The following ILDR1 variants were observed in gnomAD, a reference collection of about 807,000 sequenced individuals.
The protein encoded by ILDR1 is immunoglobulin-like domain-containing receptor 1.
Under a neutral mutation model 62.4 loss-of-function variants are expected in ILDR1, and 56 were observed. That is an observed-to-expected ratio of 0.90 (90% CI 0.72 to 1.12). ILDR1 has a LOEUF of 1.12. Among genes scored for constraint, ILDR1 ranks in the 50% most tolerant of loss-of-function variants. The pLI, the probability that ILDR1 is intolerant of heterozygous loss-of-function variation, is 0.00. For synonymous variants in ILDR1, 284 were observed against 277.8 expected (o/e 1.02, Z -0.22); for missense variants, 736 against 710.6 (o/e 1.04, Z -0.41).
the ILDR1 span, among the ~76,000 whole-genome samples, chr3:122,041,595 G>C: frequency 1.3e-5 from 2 of 152,092 alleles, no homozygotes; most frequent in African/African-American, 4.8e-5. Context: ...TTGATGCTTT[G>C]CAGTTTTCAG....
At position 122,022,095 on chromosome 3, in the gene ILDR1, C is replaced by G; in HGVS notation, c.-18G>C. 2 of 1,595,450 alleles carry G rather than the reference C, an allele frequency of 1.3e-6. No individual in the cohort carries two copies. The highest frequency in any genetic ancestry group is 1.7e-6 in the Non-Finnish European group (2 of 1,170,144). On this transcript the variant is annotated 5_prime_UTR_variant, in exon 1 of 8. Transcript: ENST00000344209. ...CATGCCATGCCGCCCCCTTTCTGGCCCTTTTCAGCTCAGGGGCTTCGGGGC... is the reference window on the plus strand; with the variant it reads ...CATGCCATGCCGCCCCCTTTCTGGCGCTTTTCAGCTCAGGGGCTTCGGGGC...
intron 3 of ILDR1, among the ~76,000 whole-genome samples, chr3:122,002,913 C>G (rs2071550135): frequency 2.6e-5 from 4 of 152,216 alleles, no homozygotes; most frequent in Admixed American, 2.6e-4. Flanking sequence ...ATCTATCCAT[C>G]TGACAAATGT....
At chr3:122,002,650 T>C (rs1009343315) in intron 3 of ILDR1, among the ~76,000 whole-genome samples, 1 of 152,148 alleles carries the variant, frequency 6.6e-6, no homozygotes, top group Non-Finnish European at 1.5e-5. Flanking sequence ...CAGGGGTATA[T>C]GTGCAGGTTT....
rs2071611617 is a variant in ILDR1 at position 122,006,480 on chromosome 3, AG to A, written c.229+510del. ...GCACTAAGAGACTTCCCACAGTTAA[AG>A]GGCTGCCTGGGGGGGCACTGGAGGG... On this transcript the variant is annotated intron_variant, in intron 2 of 7. Transcript: ENST00000344209. Among the ~76,000 whole-genome samples, 3 of 152,276 alleles carry A rather than the reference AG, an allele frequency of 2.0e-5. No individual in the cohort carries two copies. The South Asian group carries it at 6.2e-4, about 32-fold the overall frequency.
the ILDR1 span, among the ~76,000 whole-genome samples, chr3:122,045,754 TG>T: frequency 2.7e-5 from 4 of 149,198 alleles, no homozygotes; most frequent in South Asian, 2.2e-4. Flanking sequence ...TGCATTTTTT[TG>T]TTTTCCATTT....
intron 3 of ILDR1, 28 bp downstream of exon 3, chr3:122,005,214 CAG>C: frequency 2.5e-5 from 32 of 1,293,800 alleles, no homozygotes; most frequent in Admixed American, 6.9e-5. Flanking sequence ...CCCCCACCCC[CAG>C]TTCCCCTGAC....
chr3:122,022,328 C>G (rs1250145912), upstream of ILDR1: 3 of 416,436 alleles, frequency 7.2e-6, no homozygotes, highest in Non-Finnish European at 1.3e-5. Flanking sequence ...CCCCCGCCTC[C>G]CGGGGGACTG....
chr3:122,004,843 T>A (rs1171868421), intron 3 of ILDR1, among the ~76,000 whole-genome samples: 2 of 152,174 alleles, frequency 1.3e-5, no homozygotes, highest in Non-Finnish European at 2.9e-5. Flanking sequence ...AGGACCCTAT[T>A]TCCTTCCATG....
the ILDR1 span, among the ~76,000 whole-genome samples, chr3:122,036,843 C>T: frequency 5.9e-5 from 9 of 152,310 alleles, no homozygotes; most frequent in African/African-American, 2.2e-4. Context: ...TTTCATGGAC[C>T]AGGCCCAGGG....
At chr3:122,028,312 G>A in the ILDR1 span, among the ~76,000 whole-genome samples, 2 of 142,156 alleles carry the variant, frequency 1.4e-5, no homozygotes, top group African/African-American at 5.3e-5. Flanking sequence ...CTCCAGCCTG[G>A]GCAACAGAGC....
chr3:122,047,491 A>G, the ILDR1 span, among the ~76,000 whole-genome samples: 1 of 152,218 alleles, frequency 6.6e-6, no homozygotes, highest in African/African-American at 2.4e-5. Context: ...AGCCTGGGCA[A>G]TGGCGGGCGC....
In ILDR1 at chr3:121,993,791, G is replaced by A; in HGVS notation, c.958C>T (p.Leu320=). The change falls in exon 7 of 8, where the codon CTG becomes TTG. Residue 320 remains leucine (L), a synonymous_variant. Transcript: ENST00000344209. Reference sequence around the variant, plus strand: ...CTGCGTTCCACGACCTCAGAGCCCAGGGAGGACAGCATGCTGCAGGGATGG... The same window carrying A: ...CTGCGTTCCACGACCTCAGAGCCCAAGGAGGACAGCATGCTGCAGGGATGG... ...FGHPCSMLSS[L]GSEVVERRII... The A allele has an allele frequency of 1.9e-6, 3 of 1,614,162 alleles. No homozygotes were observed. Among genetic ancestry groups the A allele is most frequent in the Non-Finnish European group, 2.5e-6 (3 of 1,180,032 alleles).
At chr3:122,039,636 GAAA>G in the ILDR1 span, among the ~76,000 whole-genome samples, 2 of 151,736 alleles carry the variant, frequency 1.3e-5, no homozygotes, top group South Asian at 4.1e-4. Flanking sequence ...AATTTTAAAA[GAAA>G]AAAAGTTTTT....
chr3:122,022,770 G>A (rs1364225854), upstream of ILDR1, among the ~76,000 whole-genome samples: 2 of 152,060 alleles, frequency 1.3e-5, no homozygotes, highest in Non-Finnish European at 2.9e-5. Context: ...CAAAACAGCC[G>A]TGCGTGGTGG....
chr3:122,008,961 T>A (rs1051690794), intron 1 of ILDR1, among the ~76,000 whole-genome samples: 2 of 151,452 alleles, frequency 1.3e-5, no homozygotes, highest in Non-Finnish European at 2.9e-5. Context: ...TGAGATACAG[T>A]CTTGCTCTGT....
intron 5 of ILDR1, among the ~76,000 whole-genome samples, chr3:121,994,967 G>C (rs538998382): frequency 6.6e-6 from 1 of 152,306 alleles, no homozygotes; most frequent in African/African-American, 2.4e-5. Context: ...TTGTCCCTAA[G>C]TAGGGGAATT....
intron 5 of ILDR1, among the ~76,000 whole-genome samples, chr3:122,000,483 C>T (rs972188451): frequency 6.6e-6 from 1 of 152,200 alleles, no homozygotes; most frequent in African/African-American, 2.4e-5. Flanking sequence ...GAAGCCCCTC[C>T]CCGCTCCCAC....
the ILDR1 span, among the ~76,000 whole-genome samples, chr3:122,057,403 A>C: frequency 6.6e-6 from 1 of 152,252 alleles, no homozygotes; most frequent in Non-Finnish European, 1.5e-5. Context: ...ATGGAATACC[A>C]TGTAATTATT....
intron 3 of ILDR1, among the ~76,000 whole-genome samples, chr3:122,004,503 C>T (rs1365399603): frequency 1.3e-5 from 2 of 152,070 alleles, no homozygotes; most frequent in Non-Finnish European, 2.9e-5. Context: ...GTTCATATAC[C>T]CTGTAAATGC....
Sources: gnomAD v4.1 joint callset for allele counts (sites outside exome capture counted in the v4.1 genomes callset) on GRCh38, gnomAD v4.1.1 for gene constraint, MANE v1.5 for transcripts, NCBI Gene and HGNC (gene_info 2026-07-23, HGNC 2026-07-21) for gene names.